PTK7: variants seen among roughly 807,000 people sequenced by gnomAD.
PTK7 encodes the protein protein tyrosine kinase 7 (inactive).
Under a neutral mutation model 116.6 loss-of-function variants are expected in PTK7, and 39 were observed. The ratio of observed to expected loss-of-function variants is 0.33; its 90% CI spans 0.26 to 0.44. The LOEUF (loss-of-function observed/expected upper bound fraction) is 0.44, where lower values mean the gene tolerates loss of function less well. Among genes scored for constraint, PTK7 ranks in the 20% least tolerant of loss-of-function variants. The pLI, the probability that PTK7 is intolerant of heterozygous loss-of-function variation, is 1.00. For synonymous variants in PTK7, 546 were observed against 563.6 expected (o/e 0.97, Z 0.44); for missense variants, 1,169 against 1,425.6 (o/e 0.82, Z 2.90).
chr6:43,130,688 A>G (rs1561966570), intron 5 of PTK7, 27 bp downstream of exon 5: 1 of 1,613,150 alleles, frequency 6.2e-7, no homozygotes, highest in South Asian at 1.1e-5. Flanking sequence ...GGAGCATTCC[A>G]GTACCATGTA....
rs1770548378 is a variant in PTK7, at chr6:43,143,566, A to G, written c.2197A>G (p.Lys733Glu). The change falls in exon 14 of 20, where the codon AAG becomes GAG. Residue 733 changes from lysine to glutamate, a missense_variant. Physicochemically the swap from Lys to Glu is moderately conservative, Grantham distance 56. Around this residue, in one of 3 missense-constraint regions of PTK7, gnomAD observed 678 missense variants for 853.8 expected, o/e 0.79. Coordinates refer to ENST00000230419, the MANE Select transcript of PTK7 (RefSeq NM_002821.5). This position sits in a 1 kb window ranked among gnomAD's most constrained non-coding sequence, Gnocchi z 4.2. ...CTACTGCAAGAAGCGCTGCAAAGCC[A>G]AGCGGCTGCAGAAGCAGCCCGAGGG... is the stretch of plus-strand genomic sequence containing the variant. ...MFYCKKRCKA[K>E]RLQKQPEGEE... The G allele has an allele frequency of 3.7e-6, 6 of 1,613,532 alleles. No homozygotes were observed. The highest frequency in any genetic ancestry group is 5.1e-6 in the Non-Finnish European group (6 of 1,180,030).
intron 1 of PTK7, among the ~76,000 whole-genome samples, chr6:43,124,199 G>A (rs1259301761): frequency 6.6e-6 from 1 of 152,172 alleles, no homozygotes; most frequent in Non-Finnish European, 1.5e-5. Flanking sequence ...ATGTGCTGGT[G>A]ACTACATCAC....
chr6:43,078,207 T>G (rs1297480535), intron 1 of PTK7, among the ~76,000 whole-genome samples: 1 of 152,120 alleles, frequency 6.6e-6, no homozygotes, highest in Non-Finnish European at 1.5e-5. Context: ...CATGAGAAGA[T>G]GACTCTGATG....
chr6:43,091,172 T>G (rs1766934628), intron 1 of PTK7, among the ~76,000 whole-genome samples: 1 of 150,088 alleles, frequency 6.7e-6, no homozygotes, highest in South Asian at 2.1e-4. Context: ...TTTTTTTTTT[T>G]GTTTTGGAGA....
chr6:43,106,194 T>A (rs1205479885), intron 1 of PTK7, among the ~76,000 whole-genome samples: 2 of 152,138 alleles, frequency 1.3e-5, no homozygotes, highest in Non-Finnish European at 2.9e-5. Context: ...GTGGGCTTCC[T>A]TCTCCTCATC....
At chr6:43,096,429 C>G (rs576213329) in intron 1 of PTK7, among the ~76,000 whole-genome samples, 1 of 150,900 alleles carries the variant, frequency 6.6e-6, no homozygotes, top group Non-Finnish European at 1.5e-5. Context: ...CTGAGTTCCT[C>G]TGGAACCTGG....
At chr6:43,098,125 G>A (rs554214386) in intron 1 of PTK7, among the ~76,000 whole-genome samples, 1 of 152,260 alleles carries the variant, frequency 6.6e-6, no homozygotes, top group South Asian at 2.1e-4. Flanking sequence ...GGTTGCTGTT[G>A]TGGGAAGTGA....
At chr6:43,119,316 T>C (rs998302021) in intron 1 of PTK7, among the ~76,000 whole-genome samples, 3 of 152,164 alleles carry the variant, frequency 2.0e-5, no homozygotes, top group Admixed American at 2.0e-4. Context: ...AATTGGAATT[T>C]ATCAGAGTTT....
chr6:43,144,645 A>G (rs1770622055), intron 15 of PTK7, 39 bp downstream of exon 15: 16 of 1,574,050 alleles, frequency 1.0e-5, no homozygotes, highest in Non-Finnish European at 1.1e-5. Context: ...GCCTAACTAC[A>G]AGTCACCCGC....
chr6:43,118,665 A>G (rs372252441), intron 1 of PTK7, among the ~76,000 whole-genome samples: 79 of 62,778 alleles, frequency 1.3e-3, no homozygotes, highest in African/African-American at 5.7e-3. Context: ...CTCTCTATAT[A>G]TATATATATA....
intron 13 of PTK7, chr6:43,142,776 A>G (rs553318672): frequency 5.2e-6 from 1 of 191,478 alleles, no homozygotes; most frequent in Non-Finnish European, 1.1e-5. Flanking sequence ...TTAAATGAGA[A>G]GCTCTTAAAC....
Position 43,161,035 on chromosome 6 carries a change from CT to C in PTK7, c.*155del. On this transcript the variant is annotated 3_prime_UTR_variant, in exon 20 of 20. Transcript: ENST00000230419. The stretch of plus-strand genomic sequence containing the variant: ...AGGTCTGAGCAGGGCCTGGCCTTTC[CT>C]CCTCTTCCTCACCCTCATCCTTTGG... 1.9e-6 allele frequency: 2 copies of C among 1,078,666 alleles called. No individual in the cohort carries two copies. Among genetic ancestry groups the C allele is most frequent in the Non-Finnish European group, 2.6e-6 (2 of 776,294 alleles). 66.8% of individuals were successfully genotyped at this position (1,078,666 alleles called of 1,614,324 possible). A position where few individuals can be genotyped will look rare whatever the true frequency, so the allele number is the denominator to read the frequency against.
rs1393475659 is a variant in PTK7, at chr6:43,076,523, G to C, written c.35G>C (p.Arg12Pro). The change falls in exon 1 of 20, where the codon CGC becomes CCC. Residue 12 changes from arginine to proline, a missense_variant. Coordinates refer to ENST00000230419, the MANE Select transcript of PTK7 (RefSeq NM_002821.5). This position sits in a 1 kb window ranked among gnomAD's most constrained non-coding sequence, Gnocchi z 5.7. ...GAARGSPARP[R>P]RLPLLSVLLL... Reference sequence around the variant, plus strand: ...GCGCGGGGATCCCCGGCCAGACCCCGCCGGTTGCCTCTGCTCAGCGTCCTG... The same window carrying C: ...GCGCGGGGATCCCCGGCCAGACCCCCCCGGTTGCCTCTGCTCAGCGTCCTG... 6.4e-7 allele frequency: 1 copy of C among 1,574,296 alleles called. No homozygotes were observed. The highest frequency in any genetic ancestry group is 1.4e-5 in the African/African-American group (1 of 70,872).
intron 1 of PTK7, among the ~76,000 whole-genome samples, chr6:43,114,993 G>A (rs1768423165): frequency 6.6e-6 from 1 of 151,048 alleles, no homozygotes; most frequent in Non-Finnish European, 1.5e-5. Context: ...AGTGAGCCGA[G>A]ATCTTGCCAT....
At chr6:43,080,362 A>T (rs1766311044) in intron 1 of PTK7, among the ~76,000 whole-genome samples, 1 of 152,192 alleles carries the variant, frequency 6.6e-6, no homozygotes, top group South Asian at 2.1e-4. Context: ...AAAAAAAACA[A>T]AAAAATCTGT....
chr6:43,084,211 G>A (rs1470114499), intron 1 of PTK7, among the ~76,000 whole-genome samples: 1 of 152,186 alleles, frequency 6.6e-6, no homozygotes. Context: ...GCTCACTGCA[G>A]CCTTGTCCTG....
In PTK7 at chr6:43,161,168, A is replaced by G. The variant is rs1771824989; in HGVS notation, c.*287A>G. On this transcript the variant is annotated 3_prime_UTR_variant, in exon 20 of 20. Coordinates refer to ENST00000230419, the MANE Select transcript of PTK7 (RefSeq NM_002821.5). ...AGTGTGGGTGCCACAGGTAACCCCA[A>G]TTTCTGGCCTTCAACTTCTCCCCTT... 5.8e-6 allele frequency: 2 copies of G among 346,556 alleles called. No homozygotes were observed. Among genetic ancestry groups the G allele is most frequent in the African/African-American group, 4.1e-5 (2 of 48,726 alleles). 21.5% of individuals were successfully genotyped at this position (346,556 alleles called of 1,614,324 possible). A position where few individuals can be genotyped will look rare whatever the true frequency, so the allele number is the denominator to read the frequency against.
intron 17 of PTK7, among the ~76,000 whole-genome samples, chr6:43,153,517 C>T (rs574526269): frequency 1.3e-5 from 2 of 151,380 alleles, no homozygotes; most frequent in East Asian, 2.0e-4. Flanking sequence ...TCAAGTGATC[C>T]TCTCACTTCA....
intron 14 of PTK7, among the ~76,000 whole-genome samples, chr6:43,144,138 C>T (rs1770588600): frequency 6.6e-6 from 1 of 152,104 alleles, no homozygotes; most frequent in African/African-American, 2.4e-5. Context: ...ATAGGAGGCC[C>T]CATGAAAGCA....
Sources: gnomAD v4.1 joint callset for allele counts (sites outside exome capture counted in the v4.1 genomes callset) on GRCh38, gnomAD v4.1.1 for gene constraint, gnomAD v4.1.1 regional missense constraint, Gnocchi (gnomAD v3.1) non-coding constraint, MANE v1.5 for transcripts, NCBI Gene and HGNC (gene_info 2026-07-23, HGNC 2026-07-21) for gene names.